The following ZNF644 variants were observed in gnomAD, a reference collection of about 807,000 sequenced individuals.
The protein encoded by ZNF644 is zinc finger motif enhancer binding protein 2.
A neutral mutation model predicts 108.0 loss-of-function variants in ZNF644; 20 were observed. The observed-to-expected ratio is 0.19, with a 90% CI of 0.13 to 0.27. ZNF644 has a LOEUF of 0.27. Among genes scored for constraint, ZNF644 ranks in the 10% least tolerant of loss-of-function variants. The probability of loss-of-function intolerance (pLI) is 1.00; values close to 1 mark genes in which losing one functional copy is unlikely to be tolerated. For missense variants in ZNF644, 1,338 were observed against 1,548.9 expected (o/e 0.86, Z 2.29); for synonymous variants, 542 against 539.1 (o/e 1.01, Z -0.08).
intron 4 of ZNF644, among the ~76,000 whole-genome samples, chr1:90,936,525 T>C (rs1270084378): frequency 1.3e-5 from 2 of 152,146 alleles, no homozygotes; most frequent in Admixed American, 6.5e-5. Flanking sequence ...ATTCGGGATA[T>C]CACAATGTCT....
At chr1:90,969,267 C>G (rs753220541) in intron 2 of ZNF644, among the ~76,000 whole-genome samples, 1 of 152,090 alleles carries the variant, frequency 6.6e-6, no homozygotes, top group Non-Finnish European at 1.5e-5. Context: ...TAAGGACACA[C>G]GGAGAAGACA....
chr1:91,009,004 C>T (rs1659698317), intron 1 of ZNF644, among the ~76,000 whole-genome samples: 1 of 152,046 alleles, frequency 6.6e-6, no homozygotes, highest in Admixed American at 6.6e-5. Flanking sequence ...TTTGGGAGGC[C>T]AAAAGGACTG....
At chr1:91,021,093 T>C (rs556628708) in intron 1 of ZNF644, 3 of 152,318 alleles carry the variant, frequency 2.0e-5, no homozygotes, top group Admixed American at 6.5e-5. Flanking sequence ...TTCCAATCAC[T>C]GAGAAGAGTC....
chr1:90,955,928 C>T (rs1472146327), intron 2 of ZNF644, among the ~76,000 whole-genome samples: 1 of 152,182 alleles, frequency 6.6e-6, no homozygotes, highest in Admixed American at 6.5e-5. Flanking sequence ...GCCTTCCTCA[C>T]TAAGCTTAAT....
At chr1:91,020,848 T>C (rs1473956423) in intron 1 of ZNF644, 1 of 152,232 alleles carries the variant, frequency 6.6e-6, no homozygotes, top group Admixed American at 6.5e-5. Flanking sequence ...GGTGTTGTGA[T>C]ACTTCTGTTG....
chr1:90,919,384 G>A (rs558269053), intron 4 of ZNF644, among the ~76,000 whole-genome samples: 2 of 152,174 alleles, frequency 1.3e-5, no homozygotes, highest in East Asian at 3.9e-4. Flanking sequence ...TCTGTGAAAC[G>A]AATTGTTCAA....
At chr1:90,970,998 CAAAA>C (rs61253802) in intron 2 of ZNF644, among the ~76,000 whole-genome samples, 16 of 92,858 alleles carry the variant, frequency 1.7e-4, no homozygotes, top group Admixed American at 1.0e-3. Context: ...GACTCCATTT[CAAAA>C]AAAAAAAAAA....
At chr1:91,003,946 C>T (rs939208229) in intron 1 of ZNF644, among the ~76,000 whole-genome samples, 1 of 151,870 alleles carries the variant, frequency 6.6e-6, no homozygotes, top group Non-Finnish European at 1.5e-5. Context: ...AGCACAATAA[C>T]TAAAATGAAC....
intron 1 of ZNF644, chr1:91,020,657 A>T (rs996791798): frequency 2.6e-5 from 4 of 152,252 alleles, no homozygotes; most frequent in African/African-American, 9.6e-5. Context: ...GAAGGCAAAC[A>T]GCCAGGTTTC....
At chr1:90,941,540 T>A (rs1046013663) in intron 2 of ZNF644, among the ~76,000 whole-genome samples, 1 of 152,156 alleles carries the variant, frequency 6.6e-6, no homozygotes, top group Non-Finnish European at 1.5e-5. Flanking sequence ...CAATACGTCA[T>A]GTATACAAAA....
intron 2 of ZNF644, among the ~76,000 whole-genome samples, chr1:90,955,512 G>A (rs1191236355): frequency 6.6e-6 from 1 of 152,142 alleles, no homozygotes; most frequent in Non-Finnish European, 1.5e-5. Flanking sequence ...AGATCTCCTC[G>A]GTAATTTGCT....
intron 2 of ZNF644, among the ~76,000 whole-genome samples, chr1:90,966,602 T>C (rs1654921685): frequency 6.6e-6 from 1 of 151,820 alleles, no homozygotes; most frequent in Non-Finnish European, 1.5e-5. Flanking sequence ...ATATAAAAAT[T>C]AGCCAGGTGT....
At chr1:90,953,038 C>A (rs546026073) in intron 2 of ZNF644, among the ~76,000 whole-genome samples, 1 of 150,372 alleles carries the variant, frequency 6.7e-6, no homozygotes, top group East Asian at 1.9e-4. Context: ...AAAGCAGCTC[C>A]CGATGTCCAA....
intron 2 of ZNF644, among the ~76,000 whole-genome samples, chr1:90,980,541 C>T (rs1216286579): frequency 6.6e-6 from 1 of 152,078 alleles, no homozygotes; most frequent in East Asian, 1.9e-4. Flanking sequence ...CAAGTAGGAA[C>T]AGAGATATGG....
chr1:90,936,472 A>G (rs960699316), intron 4 of ZNF644, among the ~76,000 whole-genome samples: 4 of 152,168 alleles, frequency 2.6e-5, no homozygotes, highest in Non-Finnish European at 5.9e-5. Flanking sequence ...GACCACTTAC[A>G]ATACAAAGTT....
chr1:90,940,927 G>C lies in ZNF644; in HGVS notation c.427C>G (p.Pro143Ala). 6.2e-7 allele frequency: 1 copy of C among 1,614,096 alleles called. No homozygotes were observed. The change falls in exon 3 of 6, where the codon CCT becomes GCT. Residue 143 changes from proline to alanine, a missense_variant. This residue lies in a region of ZNF644 where 464 missense variants were observed against 457.9 expected (regional missense o/e 1.01). Coordinates refer to ENST00000337393, the MANE Select transcript of ZNF644 (RefSeq NM_201269.3). The part of the protein sequence containing the change: ...KGSVSLTTGQ[P>A]VDQPTTESCS... Reference sequence around the variant, plus strand: ...GATTCTGTTGTTGGCTGATCCACAGGCTGTCCAGTGGTTAATGAAACACTG... The same window carrying C: ...GATTCTGTTGTTGGCTGATCCACAGCCTGTCCAGTGGTTAATGAAACACTG...
At chr1:90,941,452 G>T in intron 2 of ZNF644, 143 bp from the exon 3 acceptor site, 1 of 789,434 alleles carries the variant, frequency 1.3e-6, no homozygotes, top group Non-Finnish European at 1.9e-6. Flanking sequence ...AAGAATGAAA[G>T]AACACAAACA....
chr1:90,940,342 G>T lies in ZNF644; in HGVS notation c.1012C>A (p.Gln338Lys), dbSNP rs1272092849. The change falls in exon 3 of 6, where the codon CAG becomes AAG. Residue 338 changes from glutamine (Q) to lysine (K), a missense_variant. This residue lies in a region of ZNF644 where 464 missense variants were observed against 457.9 expected (regional missense o/e 1.01). Transcript: ENST00000337393. ...QNEELQAVDS[Q>K]KYALSKVKPE... ...TTCACTTTTGATAATGCATATTTCT[G>T]TGAGTCTACTGCTTGTAGCTCTTCA... The T allele has an allele frequency of 5.0e-6, 8 of 1,613,736 alleles. No individual in the cohort carries two copies. Among genetic ancestry groups the T allele is most frequent in the Non-Finnish European group, 5.9e-6 (7 of 1,179,932 alleles).
intron 1 of ZNF644, among the ~76,000 whole-genome samples, chr1:91,012,106 T>TG (rs1660006161): frequency 1.3e-5 from 2 of 151,860 alleles, no homozygotes; most frequent in African/African-American, 4.8e-5. Flanking sequence ...ATTTTGTCAC[T>TG]GGGGGGAAAA....
Sources: gnomAD v4.1 joint callset for allele counts (sites outside exome capture counted in the v4.1 genomes callset) on GRCh38, gnomAD v4.1.1 for gene constraint, gnomAD v4.1.1 regional missense constraint, MANE v1.5 for transcripts, NCBI Gene and HGNC (gene_info 2026-07-23, HGNC 2026-07-21) for gene names.